Variants in DRC12 observed in about 807,000 individuals in gnomAD.
DRC12 encodes dynein regulatory complex subunit 12 homolog, also known as dynein regulatory complex protein 12.
chr11:119,190,272 C>A, the DRC12 span: 1 of 1,613,774 alleles, frequency 6.2e-7, no homozygotes, highest in South Asian at 1.1e-5. The surrounding 1 kb of genome is among the most constrained non-coding windows in gnomAD (Gnocchi z 4.2). Context: ...TACATCAAGA[C>A]ACTTTATTGC....
the DRC12 span, among the ~76,000 whole-genome samples, chr11:119,191,692 C>A: frequency 0.037 from 5,631 of 151,738 alleles, 358 homozygotes; most frequent in African/African-American, 0.12. Context: ...CCTGTAATCC[C>A]AGCTACTCGG....
chr11:119,190,641 A>C, the DRC12 span: 2 of 1,579,064 alleles, frequency 1.3e-6, no homozygotes, highest in Non-Finnish European at 1.7e-6. The surrounding 1 kb of genome is among the most constrained non-coding windows in gnomAD (Gnocchi z 4.2). Context: ...TCATCATACG[A>C]GCTGGGGTTT....
the DRC12 span, chr11:119,190,906 G>T: frequency 6.4e-7 from 1 of 1,552,728 alleles, no homozygotes; most frequent in South Asian, 1.2e-5. This position sits in a 1 kb window ranked among gnomAD's most constrained non-coding sequence, Gnocchi z 4.2. Flanking sequence ...TCTCTCCAAA[G>T]GTATCTGGAA....
the DRC12 span, chr11:119,193,584 C>T: frequency 2.0e-5 from 29 of 1,435,084 alleles, no homozygotes; most frequent in Non-Finnish European, 2.3e-5. Context: ...CCTGGGATCC[C>T]AGGAACCTAC....
chr11:119,194,541 A>AAG, the DRC12 span, among the ~76,000 whole-genome samples: 11,835 of 65,468 alleles, frequency 0.18, 2,846 homozygotes, highest in South Asian at 0.47. Context: ...AAAAAAAAAA[A>AAG]AAAATAAATA....
At chr11:119,190,502 G>A in the DRC12 span, 4 of 1,608,696 alleles carry the variant, frequency 2.5e-6, no homozygotes, top group Non-Finnish European at 3.4e-6. This position sits in a 1 kb window ranked among gnomAD's most constrained non-coding sequence, Gnocchi z 4.2. Flanking sequence ...GGGAAGGAGT[G>A]AGTGCTGCCC....
chr11:119,194,027 T>C, the DRC12 span: 1 of 845,394 alleles, frequency 1.2e-6, no homozygotes, highest in Non-Finnish European at 1.8e-6. Flanking sequence ...TTTTGTTGTT[T>C]TTGTTTTTTA....
chr11:119,195,528 G>A, the DRC12 span: 2 of 1,474,296 alleles, frequency 1.4e-6, no homozygotes, highest in East Asian at 2.5e-5. Context: ...CTTATGTTTA[G>A]GTCTGGACAC....
At chr11:119,195,674 A>G in the DRC12 span, 3 of 598,658 alleles carry the variant, frequency 5.0e-6, no homozygotes, top group Admixed American at 3.0e-5. Flanking sequence ...GGGAGGATGG[A>G]GTTTTTTCTC....
At chr11:119,192,268 A>G in the DRC12 span, among the ~76,000 whole-genome samples, 2 of 151,986 alleles carry the variant, frequency 1.3e-5, no homozygotes, top group Admixed American at 1.3e-4. Flanking sequence ...GAGCCACCGC[A>G]CCCGGTTGAA....
At chr11:119,194,629 C>T in the DRC12 span, among the ~76,000 whole-genome samples, 1 of 151,250 alleles carries the variant, frequency 6.6e-6, no homozygotes, top group South Asian at 2.1e-4. Context: ...ATTGTTGCGG[C>T]CCAGGAGTTA....
At chr11:119,195,654 G>T in the DRC12 span, 1 of 611,916 alleles carries the variant, frequency 1.6e-6, no homozygotes, top group Non-Finnish European at 2.9e-6. Flanking sequence ...AGACAGGGTT[G>T]GGGTCAGTGG....
At chr11:119,190,333 A>G in the DRC12 span, 1 of 1,613,950 alleles carries the variant, frequency 6.2e-7, no homozygotes, top group Non-Finnish European at 8.5e-7. This position sits in a 1 kb window ranked among gnomAD's most constrained non-coding sequence, Gnocchi z 4.2. Context: ...TCAAAGATCC[A>G]GGGGGGGTGA....
chr11:119,195,249 G>A, the DRC12 span: 1 of 657,616 alleles, frequency 1.5e-6, no homozygotes, highest in South Asian at 1.9e-5. Flanking sequence ...GAGCGTGGGT[G>A]ACCATTTCCC....
chr11:119,192,265 C>T, the DRC12 span, among the ~76,000 whole-genome samples: 5 of 152,128 alleles, frequency 3.3e-5, no homozygotes, highest in South Asian at 2.1e-4. Context: ...GGTGAGCCAC[C>T]GCACCCGGTT....
chr11:119,193,230 C>T, the DRC12 span: 1 of 1,614,078 alleles, frequency 6.2e-7, no homozygotes, highest in Admixed American at 1.7e-5. Flanking sequence ...GGGCATGGCA[C>T]TGGCGACTCA....
At chr11:119,193,207 A>G in the DRC12 span, 6 of 1,614,092 alleles carry the variant, frequency 3.7e-6, no homozygotes, top group Middle Eastern at 3.3e-4. Flanking sequence ...GCGGGTTTGC[A>G]TATCCTCCTG....
chr11:119,191,353 C>A, the DRC12 span, among the ~76,000 whole-genome samples: 3 of 151,714 alleles, frequency 2.0e-5, no homozygotes, highest in African/African-American at 7.3e-5. Context: ...CCGCCTCGGC[C>A]TCCCAAAGTG....
chr11:119,194,306 A>G, the DRC12 span, among the ~76,000 whole-genome samples: 1 of 151,958 alleles, frequency 6.6e-6, no homozygotes, highest in Non-Finnish European at 1.5e-5. Context: ...CAAGGTCAAG[A>G]GTTCGAGACC....
Sources: gnomAD v4.1 joint callset for allele counts (sites outside exome capture counted in the v4.1 genomes callset) on GRCh38, gnomAD v4.1.1 for gene constraint, Gnocchi (gnomAD v3.1) non-coding constraint, MANE v1.5 for transcripts, NCBI Gene and HGNC (gene_info 2026-07-23, HGNC 2026-07-21) for gene names.